NDST3: variants seen among roughly 807,000 people sequenced by gnomAD.
The protein encoded by NDST3 is bifunctional heparan sulfate N-deacetylase/N-sulfotransferase 3.
Under a neutral mutation model 96.1 loss-of-function variants are expected in NDST3, and 58 were observed. The ratio of observed to expected loss-of-function variants is 0.60; its 90% confidence interval spans 0.49 to 0.75. NDST3 has a LOEUF of 0.75. Ranked by LOEUF, NDST3 falls within the 30% of genes least tolerant of loss-of-function variation. The pLI is 0.00. For missense variants in NDST3, 788 were observed against 1,034.2 expected (o/e 0.76, Z 3.27); for synonymous variants, 333 against 359.7 (o/e 0.93, Z 0.84).
chr4:118,203,994 A>G (rs1005920152), intron 6 of NDST3, among the ~76,000 whole-genome samples: 4 of 152,224 alleles, frequency 2.6e-5, no homozygotes, highest in East Asian at 1.9e-4. Context: ...CCATTCAGAC[A>G]TAAGAGGCCT....
intron 6 of NDST3, among the ~76,000 whole-genome samples, chr4:118,195,256 C>T (rs1033653272): frequency 2.0e-5 from 3 of 152,132 alleles, no homozygotes; most frequent in Non-Finnish European, 2.9e-5. Context: ...GGCTGTGTCC[C>T]TACCCAAATC....
chr4:118,092,962 G>T (rs2125833370), intron 2 of NDST3, among the ~76,000 whole-genome samples: 1 of 151,830 alleles, frequency 6.6e-6, no homozygotes, highest in South Asian at 2.1e-4. Context: ...TAATATTTGA[G>T]CAGAGACATA....
chr4:118,114,314 C>T (rs1730878899), intron 3 of NDST3, among the ~76,000 whole-genome samples: 1 of 152,130 alleles, frequency 6.6e-6, no homozygotes, highest in Non-Finnish European at 1.5e-5. Context: ...TCTTATGTGT[C>T]AGTTTTCACC....
chr4:118,058,257 A>T (rs185996379), intron 2 of NDST3, among the ~76,000 whole-genome samples: 307 of 151,886 alleles, frequency 2.0e-3, no homozygotes, highest in African/African-American at 6.9e-3. Context: ...TTTTTTTCTT[A>T]TGTGGAATAG....
chr4:118,214,471 G>C (rs1739065092), intron 6 of NDST3, among the ~76,000 whole-genome samples: 1 of 151,712 alleles, frequency 6.6e-6, no homozygotes, highest in South Asian at 2.1e-4. Flanking sequence ...GTGTACATTG[G>C]GTTAAATTAA....
chr4:118,045,612 A>G (rs1724719498), intron 1 of NDST3, among the ~76,000 whole-genome samples: 1 of 152,212 alleles, frequency 6.6e-6, no homozygotes, highest in Admixed American at 6.5e-5. Flanking sequence ...AGAATGTTAT[A>G]TTATTCATAA....
intron 7 of NDST3, 41 bp from the exon 8 acceptor site, chr4:118,226,845 T>C (rs376118206): frequency 2.1e-6 from 3 of 1,424,106 alleles, no homozygotes; most frequent in South Asian, 1.2e-5. Flanking sequence ...ATGGACACAT[T>C]CATGAAAAAA....
intron 4 of NDST3, among the ~76,000 whole-genome samples, chr4:118,128,341 T>C (rs1732300441): frequency 6.6e-6 from 1 of 152,056 alleles, no homozygotes; most frequent in East Asian, 1.9e-4. Context: ...TGGATTTTAT[T>C]ATGGTGAGGT....
chr4:118,066,143 T>A (rs868668986), intron 2 of NDST3, among the ~76,000 whole-genome samples: 1 of 28,838 alleles, frequency 3.5e-5, no homozygotes, highest in Non-Finnish European at 9.8e-5. Context: ...ATAATATATT[T>A]TATATATTAT....
intron 6 of NDST3, among the ~76,000 whole-genome samples, chr4:118,167,015 A>G (rs1404206339): frequency 1.3e-5 from 2 of 151,856 alleles, no homozygotes; most frequent in East Asian, 1.9e-4. Context: ...ATTTCTATTC[A>G]ACATTGTACT....
chr4:118,089,637 A>G (rs776287964), intron 2 of NDST3, among the ~76,000 whole-genome samples: 4 of 151,984 alleles, frequency 2.6e-5, no homozygotes, highest in Non-Finnish European at 4.4e-5. Context: ...AAAGACTAAA[A>G]CATTGAAGTT....
chr4:118,184,072 C>T (rs566991257), intron 6 of NDST3, among the ~76,000 whole-genome samples: 2 of 152,212 alleles, frequency 1.3e-5, no homozygotes, highest in Non-Finnish European at 2.9e-5. Flanking sequence ...TCTCTCTCCT[C>T]TTCTTACCTA....
chr4:118,050,907 A>C (rs1348513749), intron 1 of NDST3, among the ~76,000 whole-genome samples: 1 of 152,290 alleles, frequency 6.6e-6, no homozygotes, highest in East Asian at 1.9e-4. Context: ...GAGCCCGAAT[A>C]GCCAAAGCAA....
chr4:118,127,853 A>AG (rs1732245319), intron 4 of NDST3, among the ~76,000 whole-genome samples: 1 of 151,450 alleles, frequency 6.6e-6, no homozygotes, highest in African/African-American at 2.4e-5. Flanking sequence ...TTTTTGGTGT[A>AG]CTCTTTAATG....
chr4:118,222,132 T>C (rs191698159), intron 6 of NDST3, among the ~76,000 whole-genome samples: 154 of 152,092 alleles, frequency 1.0e-3, no homozygotes, highest in Admixed American at 2.0e-3. Context: ...CTTTCTATGC[T>C]GTACAGAAAT....
In NDST3 at chr4:118,255,714, A is replaced by G. The variant is rs1283566590; in HGVS notation, c.*2A>G. ...CAGGAGCTGCAGAAAGTAAGATAGC[A>G]CTGAGAGAAAACTTGAGACTTCATC... On this transcript the variant is annotated 3_prime_UTR_variant, in exon 14 of 14. Transcript: ENST00000296499. The G allele has an allele frequency of 6.2e-7, 1 of 1,607,720 alleles. No individual in the cohort carries two copies. Among genetic ancestry groups the G allele is most frequent in the South Asian group, 1.1e-5 (1 of 90,106 alleles).
intron 1 of NDST3, among the ~76,000 whole-genome samples, chr4:118,042,269 C>T (rs766398162): frequency 2.6e-5 from 4 of 152,174 alleles, no homozygotes; most frequent in Admixed American, 6.5e-5. Context: ...CCTCCCCCAA[C>T]CATAATTTAA....
At chr4:118,125,331 A>C (rs925473110) in intron 4 of NDST3, among the ~76,000 whole-genome samples, 1 of 152,082 alleles carries the variant, frequency 6.6e-6, no homozygotes, top group Non-Finnish European at 1.5e-5. Flanking sequence ...AGCTGCCAAC[A>C]GGGGATGATT....
At chr4:118,228,244 C>G (rs1740036326) in intron 8 of NDST3, among the ~76,000 whole-genome samples, 1 of 152,146 alleles carries the variant, frequency 6.6e-6, no homozygotes, top group South Asian at 2.1e-4. Flanking sequence ...ATTTATTTCA[C>G]TTGTCCTTAT....
Sources: gnomAD v4.1 joint callset for allele counts (sites outside exome capture counted in the v4.1 genomes callset) on GRCh38, gnomAD v4.1.1 for gene constraint, MANE v1.5 for transcripts, NCBI Gene and HGNC (gene_info 2026-07-23, HGNC 2026-07-21) for gene names.